Variants in NSRP1 observed in about 807,000 individuals in gnomAD.
NSRP1 encodes the protein coiled-coil domain containing 55.
In NSRP1, 24 loss-of-function variants were observed where a neutral mutation model predicts 54.7. The observed-to-expected ratio is 0.44, with a 90% CI of 0.32 to 0.62. NSRP1 has a LOEUF of 0.62. Among genes scored for constraint, NSRP1 ranks in the 20% least tolerant of loss-of-function variants. The pLI, the probability that NSRP1 is intolerant of heterozygous loss-of-function variation, is 0.06. For missense variants in NSRP1, 596 were observed against 651.2 expected, an observed-to-expected ratio of 0.92 and a Z score of 0.92; for synonymous variants, 210 against 213.8, an observed-to-expected ratio of 0.98 and a Z score of 0.15.
intron 2 of NSRP1, among the ~76,000 whole-genome samples, chr17:30,154,221 T>C (rs2071940213): frequency 6.6e-6 from 1 of 151,880 alleles, no homozygotes; most frequent in Non-Finnish European, 1.5e-5. Flanking sequence ...CTCGGGAGGC[T>C]GAGGCGGGAG....
chr17:30,126,001 G>A (rs1053885108), intron 2 of NSRP1: 1 of 152,082 alleles, frequency 6.6e-6, no homozygotes, highest in African/African-American at 2.4e-5. Context: ...TAAGTGAGTG[G>A]TTTTGCTGTC....
chr17:30,177,981 TC>T, intron 3 of NSRP1, 89 bp from the exon 4 acceptor site: 1 of 1,381,110 alleles, frequency 7.2e-7, no homozygotes, highest in Non-Finnish European at 1.0e-6. Flanking sequence ...TGATATATTT[TC>T]AATTTATGAA....
intron 4 of NSRP1, among the ~76,000 whole-genome samples, chr17:30,178,465 A>G (rs79814671): frequency 0.013 from 2,018 of 152,234 alleles, 25 homozygotes; most frequent in Admixed American, 0.021. Flanking sequence ...TTGGAATTCT[A>G]ATGTACCAAA....
chr17:30,159,501 T>C lies in NSRP1; in HGVS notation c.115-13041T>C, dbSNP rs186909394. On this transcript the variant is annotated intron_variant, in intron 2 of 6. Transcript: ENST00000247026. ...ATTGCTTTGGCCAGGACTTCCAGTA[T>C]TGTGTTGAATAAGAGTGGTGAAAGT... Among the ~76,000 whole-genome samples the C allele has an allele frequency of 4.6e-5, 7 of 152,248 alleles. No homozygotes were observed. In the East Asian group the frequency reaches 1.3e-3, roughly 29 times the overall value.
Position 30,116,823 on chromosome 17 carries a change from T to A in NSRP1, c.-21T>A. The A allele has an allele frequency of 6.4e-7, 1 of 1,570,388 alleles. No individual in the cohort carries two copies. The highest frequency in any genetic ancestry group is 2.3e-5 in the East Asian group (1 of 42,710). On this transcript the variant is annotated 5_prime_UTR_variant, in exon 1 of 7. Coordinates refer to ENST00000247026, the MANE Select transcript of NSRP1 (RefSeq NM_032141.4). Reference sequence around the variant, plus strand: ...CAGCGTCACGGAGGCGTCGGCCACGTTCAGCGGACACGGGAGCAAGATGGC... The same window carrying A: ...CAGCGTCACGGAGGCGTCGGCCACGATCAGCGGACACGGGAGCAAGATGGC...
At chr17:30,171,976 C>CT (rs1567804388) in intron 2 of NSRP1, among the ~76,000 whole-genome samples, 169 of 80,410 alleles carry the variant, frequency 2.1e-3, no homozygotes, top group Non-Finnish European at 2.7e-3. Flanking sequence ...ACACACACTC[C>CT]CTCTCTCTCT....
chr17:30,185,290 T>C lies in NSRP1; in HGVS notation c.1293T>C (p.Asn431=). The part of the protein sequence containing the change: ...MKVRKERYEN[N]DKYRDREKRE... ...TAAGGAAGGAAAGATATGAAAATAA[T>C]GATAAATACAGAGATAGAGAAAAAC... Residue 431 remains asparagine, a synonymous_variant, in exon 7 of 7, where the codon AAT becomes AAC. Coordinates refer to ENST00000247026, the MANE Select transcript of NSRP1 (RefSeq NM_032141.4). 1 of 1,603,656 alleles carries C rather than the reference T, an allele frequency of 6.2e-7. No individual in the cohort carries two copies. The highest frequency in any genetic ancestry group is 8.5e-7 in the Non-Finnish European group (1 of 1,177,006).
intron 2 of NSRP1, among the ~76,000 whole-genome samples, chr17:30,145,581 CA>C (rs1292649086): frequency 6.6e-6 from 1 of 151,722 alleles, no homozygotes; most frequent in African/African-American, 2.4e-5. Flanking sequence ...GACTCCATCT[CA>C]AAAAAAATTA....
At position 30,178,136 on chromosome 17, in the gene NSRP1, T is replaced by C. The variant is rs1905188188; in HGVS notation, c.237T>C (p.Tyr79=). Residue 79 remains tyrosine, a synonymous_variant, in exon 4 of 7, where the codon TAT becomes TAC. Coordinates refer to ENST00000247026, the MANE Select transcript of NSRP1 (RefSeq NM_032141.4). ...CTGTGTATGAATATGACAGTATTTA[T>C]GATGAAATGCAGAAAAAAAAGGAGG... is the stretch of plus-strand genomic sequence containing the variant. ...DATVYEYDSI[Y]DEMQKKKEEN... 1 of 1,610,738 alleles carries C rather than the reference T, an allele frequency of 6.2e-7. No individual in the cohort carries two copies. Among genetic ancestry groups the C allele is most frequent in the South Asian group, 1.1e-5 (1 of 89,720 alleles).
At chr17:30,117,518 T>A in intron 1 of NSRP1, 1 of 411,254 alleles carries the variant, frequency 2.4e-6, no homozygotes. Context: ...TCTCAGATGC[T>A]CCGAGGCAAA....
chr17:30,154,637 G>A (rs867314414), intron 2 of NSRP1: 1 of 151,806 alleles, frequency 6.6e-6, no homozygotes, highest in South Asian at 2.1e-4. Context: ...GCTTGAGCCT[G>A]GGAAGTCAAG....
At chr17:30,131,477 G>T (rs1340931312) in intron 2 of NSRP1, among the ~76,000 whole-genome samples, 1 of 152,052 alleles carries the variant, frequency 6.6e-6, no homozygotes, top group Non-Finnish European at 1.5e-5. Context: ...TAAGTTTTTT[G>T]TTTCCTAGTG....
In NSRP1 at chr17:30,137,190, T is replaced by G. The variant is rs566241267; in HGVS notation, c.114+19017T>G. ...ATTCATGCTAGGTTCATGGTAAATATCCTTTTTCAAATTAAGGGAGTTTCT... is the reference window on the plus strand; with the variant it reads ...ATTCATGCTAGGTTCATGGTAAATAGCCTTTTTCAAATTAAGGGAGTTTCT... On this transcript the variant is annotated intron_variant, in intron 2 of 6. Coordinates refer to ENST00000247026, the MANE Select transcript of NSRP1 (RefSeq NM_032141.4). 3.3e-5 allele frequency among the ~76,000 whole-genome samples: 5 copies of G among 152,336 alleles called. No homozygotes were observed. The South Asian group carries it at 1.0e-3, about 32-fold the overall frequency.
At chr17:30,132,153 C>T (rs2071705976) in intron 2 of NSRP1, among the ~76,000 whole-genome samples, 1 of 150,224 alleles carries the variant, frequency 6.7e-6, no homozygotes, top group African/African-American at 2.5e-5. Context: ...GAGGCTGAGG[C>T]AGGAGAATGG....
chr17:30,180,982 G>A lies in NSRP1; in HGVS notation c.583G>A (p.Glu195Lys), dbSNP rs1370531864. 1 of 1,613,178 alleles carries A rather than the reference G, an allele frequency of 6.2e-7. No homozygotes were observed. The highest frequency in any genetic ancestry group is 2.2e-5 in the East Asian group (1 of 44,866). The change falls in exon 6 of 7, where the codon GAG becomes AAG. Residue 195 changes from glutamate (E) to lysine (K), a missense_variant. Transcript: ENST00000247026. ...RHLLNQAVGE[E>K]EVPKCSFREA... ...CCTATTAAATCAAGCAGTTGGTGAA[G>A]AGGAAGTACCTAAATGCAGCTTTCG... is the stretch of plus-strand genomic sequence containing the variant.
intron 2 of NSRP1, among the ~76,000 whole-genome samples, chr17:30,132,519 A>G (rs2071710246): frequency 6.6e-6 from 1 of 152,036 alleles, no homozygotes; most frequent in South Asian, 2.1e-4. Flanking sequence ...ATGCCACTGC[A>G]CTCCAGCTTG....
intron 2 of NSRP1, among the ~76,000 whole-genome samples, chr17:30,129,661 A>G (rs1487045033): frequency 1.3e-5 from 2 of 152,200 alleles, no homozygotes; most frequent in Non-Finnish European, 2.9e-5. Context: ...TAAAATTTTA[A>G]TCTGTCTGAA....
chr17:30,185,674 A>G lies in NSRP1; in HGVS notation c.1677A>G (p.Ter559TrpextTer15). The change falls in exon 7 of 7, where the codon TGA becomes TGG. Residue 559 changes from the stop codon to tryptophan (W), a stop_lost. Coordinates refer to ENST00000247026, the MANE Select transcript of NSRP1 (RefSeq NM_032141.4). ...CCTATATTGAGAAAGAAGATGATTG[A>G]TGGCTACCCCAAGAGAAAGATTTAA... ...AKTYIEKEDD[*>W] 2 of 1,553,916 alleles carry G rather than the reference A, an allele frequency of 1.3e-6. No individual in the cohort carries two copies. The highest frequency in any genetic ancestry group is 1.4e-5 in the African/African-American group (1 of 71,986).
chr17:30,152,407 C>T (rs1033077105), intron 2 of NSRP1, among the ~76,000 whole-genome samples: 1 of 148,432 alleles, frequency 6.7e-6, no homozygotes, highest in Non-Finnish European at 1.5e-5. Flanking sequence ...CGTGAGCCAC[C>T]GTGCCCAGCC....
Sources: gnomAD v4.1 joint callset for allele counts (sites outside exome capture counted in the v4.1 genomes callset) on GRCh38, gnomAD v4.1.1 for gene constraint, MANE v1.5 for transcripts, NCBI Gene and HGNC (gene_info 2026-07-23, HGNC 2026-07-21) for gene names.